DDX42: variants seen among roughly 807,000 people sequenced by gnomAD.
The protein encoded by DDX42 is ATP-dependent RNA helicase DDX42.
Under a neutral mutation model 101.5 loss-of-function variants are expected in DDX42, and 22 were observed. That is an observed-to-expected ratio of 0.22 (90% CI 0.15 to 0.31). DDX42 has a LOEUF of 0.31. Among genes scored for constraint, DDX42 ranks in the 10% least tolerant of loss-of-function variants. The pLI is 1.00. For synonymous variants in DDX42, 402 were observed against 401.2 expected (o/e 1.00, Z -0.02); for missense variants, 849 against 1,199.9 (o/e 0.71, Z 4.32).
intron 6 of DDX42, among the ~76,000 whole-genome samples, chr17:63,802,833 C>T (rs1343495127): frequency 6.6e-6 from 1 of 151,682 alleles, no homozygotes; most frequent in Non-Finnish European, 1.5e-5. Context: ...TCACTCAAAT[C>T]CAGGAGGCGG....
intron 7 of DDX42, 183 bp from the exon 8 acceptor site, chr17:63,806,352 A>C (rs2039839886): frequency 4.6e-6 from 2 of 435,024 alleles, no homozygotes; most frequent in Non-Finnish European, 7.7e-6. Context: ...GGAGTTTTTA[A>C]TATGAGGTTT....
chr17:63,774,419 G>C (rs903635018), intron 1 of DDX42, 43 bp downstream of exon 1: 4 of 220,056 alleles, frequency 1.8e-5, no homozygotes, highest in Non-Finnish European at 3.6e-5. Flanking sequence ...CCAGTCCTTG[G>C]GGGCACTGGA....
At chr17:63,816,583 A>C (rs1056115291) in intron 16 of DDX42, 3 of 240,214 alleles carry the variant, frequency 1.2e-5, no homozygotes, top group Admixed American at 5.6e-5. Context: ...TTTTTACTTA[A>C]TTAATTGGAA....
At chr17:63,798,696 T>A (rs1048253464) in intron 4 of DDX42, among the ~76,000 whole-genome samples, 11 of 152,226 alleles carry the variant, frequency 7.2e-5, no homozygotes, top group Non-Finnish European at 1.6e-4. Context: ...TTGAAGTACT[T>A]TATTTTCTGG....
chr17:63,786,655 A>G (rs1044343588), intron 1 of DDX42, among the ~76,000 whole-genome samples: 1 of 152,166 alleles, frequency 6.6e-6, no homozygotes, highest in Non-Finnish European at 1.5e-5. Context: ...GTTGGAAGAG[A>G]CATACAACTC....
Position 63,787,036 on chromosome 17 carries a change from C to G in DDX42, c.-14C>G. ...TTTGTGTATCTTATTCCTAACAGGT[C>G]AGTCATTGGCACCATGAACTGGAAT... On this transcript the variant is annotated splice_region_variant and 5_prime_UTR_variant, in exon 2 of 18. Transcript: ENST00000389924. 1 of 1,613,790 alleles carries G rather than the reference C, an allele frequency of 6.2e-7. No homozygotes were observed. The highest frequency in any genetic ancestry group is 8.5e-7 in the Non-Finnish European group (1 of 1,179,842).
At chr17:63,809,739 T>G in intron 11 of DDX42, 80 bp downstream of exon 11, 1 of 1,175,770 alleles carries the variant, frequency 8.5e-7, no homozygotes, top group Non-Finnish European at 1.3e-6. Context: ...GACTGTTTTT[T>G]CAGCATGAGA....
chr17:63,777,508 C>T (rs1339969214), intron 1 of DDX42, among the ~76,000 whole-genome samples: 5 of 146,960 alleles, frequency 3.4e-5, no homozygotes, highest in South Asian at 2.1e-4. Context: ...AGTGCAGTGG[C>T]GCGATCTTGG....
chr17:63,790,156 A>G (rs1322612679), intron 2 of DDX42, among the ~76,000 whole-genome samples: 1 of 152,198 alleles, frequency 6.6e-6, no homozygotes, highest in Non-Finnish European at 1.5e-5. Flanking sequence ...CTAAAAAAAC[A>G]AACAAAAAAC....
intron 17 of DDX42, 166 bp from the exon 18 acceptor site, chr17:63,817,528 T>C: frequency 1.5e-6 from 1 of 648,728 alleles, no homozygotes; most frequent in Non-Finnish European, 2.6e-6. Context: ...AGTTTTCCTT[T>C]ATAGCACAAG....
At chr17:63,802,135 C>G (rs981756433) in intron 6 of DDX42, among the ~76,000 whole-genome samples, 1 of 152,094 alleles carries the variant, frequency 6.6e-6, no homozygotes, top group Non-Finnish European at 1.5e-5. Flanking sequence ...GCCAGTGGCA[C>G]CAAACTGTTC....
intron 1 of DDX42, among the ~76,000 whole-genome samples, chr17:63,777,779 T>G (rs1224352162): frequency 1.3e-5 from 2 of 152,152 alleles, no homozygotes; most frequent in Admixed American, 1.3e-4. Flanking sequence ...GATATCATAT[T>G]CATGTCTTTA....
chr17:63,778,891 G>A (rs1176778688), intron 1 of DDX42, among the ~76,000 whole-genome samples: 1 of 152,024 alleles, frequency 6.6e-6, no homozygotes, highest in Non-Finnish European at 1.5e-5. Context: ...CGTCCACCTC[G>A]GCCTCCCAAT....
At position 63,781,867 on chromosome 17, in the gene DDX42, G is replaced by A. The variant is rs563087073; in HGVS notation, c.-16-5167G>A. Among the ~76,000 whole-genome samples the A allele has an allele frequency of 1.7e-3, 266 of 152,084 alleles. 1 individual carries two copies. The highest frequency in any genetic ancestry group is 2.3e-3 in the Non-Finnish European group (154 of 67,986). On this transcript the variant is annotated intron_variant, in intron 1 of 17. Transcript: ENST00000389924. ...CTACTAAAAATACAAAAAATTAGCC[G>A]GGCCTGGTGGCAGGTGCCTGTAGTC...
At chr17:63,789,553 GTTTTT>G (rs2039595948) in intron 2 of DDX42, among the ~76,000 whole-genome samples, 3 of 28,638 alleles carry the variant, frequency 1.0e-4, no homozygotes, top group Non-Finnish European at 2.6e-4. Flanking sequence ...AGACTTTTTT[GTTTTT>G]GTTTTTGTTT....
At chr17:63,817,380 T>C in intron 17 of DDX42, 1 of 315,920 alleles carries the variant, frequency 3.2e-6, no homozygotes, top group Admixed American at 4.5e-5. Context: ...AGTATGAAAA[T>C]TTTTTTTAAG....
intron 15 of DDX42, among the ~76,000 whole-genome samples, chr17:63,814,533 C>T (rs1354604074): frequency 6.6e-6 from 1 of 152,150 alleles, no homozygotes; most frequent in Non-Finnish European, 1.5e-5. Context: ...TTGACTTTGG[C>T]ATTTTCTTCC....
At chr17:63,779,384 C>T (rs2039459229) in intron 1 of DDX42, among the ~76,000 whole-genome samples, 1 of 152,162 alleles carries the variant, frequency 6.6e-6, no homozygotes, top group Admixed American at 6.5e-5. Context: ...CCACCTCAAC[C>T]TCCCGAGTAG....
Position 63,811,071 on chromosome 17 carries a change from T to G in DDX42, c.1301-5T>G. ...TTCTCTAACAGAATTTATCTTACCT[T>G]TTAGCTCTCTTATTTAGTGCAACTT... On this transcript the variant is annotated splice_polypyrimidine_tract_variant and splice_region_variant and intron_variant, in intron 12 of 17. Coordinates refer to ENST00000389924, the MANE Select transcript of DDX42 (RefSeq NM_203499.3). 6.2e-7 allele frequency: 1 copy of G among 1,612,540 alleles called. No individual in the cohort carries two copies. Among genetic ancestry groups the G allele is most frequent in the Non-Finnish European group, 8.5e-7 (1 of 1,178,930 alleles).
Sources: allele counts gnomAD v4.1 joint callset (sites outside exome capture counted in the v4.1 genomes callset), GRCh38; gene constraint gnomAD v4.1.1; transcripts MANE v1.5; gene names NCBI Gene and HGNC (gene_info 2026-07-23, HGNC 2026-07-21).